MAGI1: variants seen among roughly 807,000 people sequenced by gnomAD.
MAGI1 encodes membrane-associated guanylate kinase, WW and PDZ domain-containing protein 1.
Under a neutral mutation model 139.9 loss-of-function variants are expected in MAGI1, and 58 were observed. That is an observed-to-expected ratio of 0.41 (90% CI 0.34 to 0.52). MAGI1 has a LOEUF of 0.52. MAGI1 is among the 20% of genes least tolerant of loss of function. The pLI is 0.12. For synonymous variants in MAGI1, 812 were observed against 737.9 expected, an observed-to-expected ratio of 1.10 and a Z score of -1.63; for missense variants, 1,874 against 1,901.6, an observed-to-expected ratio of 0.99 and a Z score of 0.27.
At chr3:65,941,524 G>A (rs1245547192) in intron 1 of MAGI1, among the ~76,000 whole-genome samples, 1 of 152,096 alleles carries the variant, frequency 6.6e-6, no homozygotes, top group Non-Finnish European at 1.5e-5. Flanking sequence ...CCTCTACCCT[G>A]TAGATGCAGT....
chr3:65,921,918 C>A lies in MAGI1; in HGVS notation c.313+116078G>T, dbSNP rs867819712. ...GAGACCCTATCTCCAACCACACACA[C>A]GACACACACACACACACACACACAC... On this transcript the variant is annotated intron_variant, in intron 1 of 22. Coordinates refer to ENST00000402939, the MANE Select transcript of MAGI1 (RefSeq NM_001033057.2). Among the ~76,000 whole-genome samples, 46 of 109,018 alleles carry A rather than the reference C, an allele frequency of 4.2e-4. 1 individual carries two copies. The highest frequency in any genetic ancestry group is 4.3e-3 in the Middle Eastern group (1 of 230). The allele number at this position is 109,018 out of a possible 152,430, so 71.5% of individuals were successfully genotyped here.
intron 1 of MAGI1, among the ~76,000 whole-genome samples, chr3:65,748,414 G>A (rs1426325160): frequency 6.6e-6 from 1 of 152,094 alleles, no homozygotes; most frequent in Non-Finnish European, 1.5e-5. Flanking sequence ...GTAGGATATG[G>A]GCCTTTAGAT....
chr3:65,701,980 G>T (rs544573722), intron 1 of MAGI1, among the ~76,000 whole-genome samples: 1 of 151,994 alleles, frequency 6.6e-6, no homozygotes, highest in Admixed American at 6.6e-5. Context: ...TATATTCCCC[G>T]ACGCTTGTTA....
chr3:65,645,280 G>GA (rs2085198640), intron 1 of MAGI1, among the ~76,000 whole-genome samples: 3 of 151,410 alleles, frequency 2.0e-5, no homozygotes, highest in East Asian at 1.9e-4. Context: ...AGAACTGAAA[G>GA]AAAAAAAATA....
intron 1 of MAGI1, among the ~76,000 whole-genome samples, chr3:65,682,048 A>G (rs1298479500): frequency 6.6e-6 from 1 of 152,110 alleles, no homozygotes; most frequent in African/African-American, 2.4e-5. Context: ...TCACATCCAC[A>G]ATTTTAACTT....
intron 3 of MAGI1, among the ~76,000 whole-genome samples, chr3:65,492,905 T>C (rs112433020): frequency 0.22 from 33,145 of 151,712 alleles, 3,617 homozygotes; most frequent in South Asian, 0.29. Context: ...GGTGAAACCC[T>C]GTCTCTACTA....
intron 2 of MAGI1, among the ~76,000 whole-genome samples, chr3:65,530,624 GGTGTGTGTGT>G (rs57337916): frequency 0.018 from 2,345 of 129,234 alleles, 104 homozygotes; most frequent in East Asian, 0.064. Context: ...ATGTGTGTGT[GGTGTGTGTGT>G]GTGTGTGTGT....
At chr3:65,949,868 G>A (rs2063713059) in intron 1 of MAGI1, among the ~76,000 whole-genome samples, 1 of 151,890 alleles carries the variant, frequency 6.6e-6, no homozygotes, top group African/African-American at 2.4e-5. Flanking sequence ...GCGCAACATG[G>A]CGAAACCCTG....
intron 12 of MAGI1, among the ~76,000 whole-genome samples, chr3:65,428,486 C>T (rs1003023309): frequency 6.6e-6 from 1 of 152,146 alleles, no homozygotes; most frequent in African/African-American, 2.4e-5. Flanking sequence ...ACCCAGATCT[C>T]TGAGATCCTA....
At chr3:65,575,089 T>A (rs72902255) in intron 2 of MAGI1, among the ~76,000 whole-genome samples, 11,530 of 151,904 alleles carry the variant, frequency 0.076, 912 homozygotes, top group African/African-American at 0.2. Context: ...AAATCTCTGT[T>A]CCCCAAAAGA....
intron 2 of MAGI1, among the ~76,000 whole-genome samples, chr3:65,531,449 T>C (rs977559349): frequency 6.6e-6 from 1 of 152,174 alleles, no homozygotes; most frequent in Non-Finnish European, 1.5e-5. Context: ...TCAAACTATT[T>C]CAAAATTTAA....
rs528114992 is a variant in MAGI1, at chr3:65,776,453, C to A, written c.314-154365G>T. Among the ~76,000 whole-genome samples, 17 of 152,192 alleles carry A rather than the reference C, an allele frequency of 1.1e-4. No homozygotes were observed. In the South Asian group the frequency reaches 3.3e-3, roughly 30 times the overall value. ...TTAAAAATGGTAACCCTTATTTAAACACATAATAAAAAGAGATCTTGTCAA... is the reference window on the plus strand; with the variant it reads ...TTAAAAATGGTAACCCTTATTTAAAAACATAATAAAAAGAGATCTTGTCAA... On this transcript the variant is annotated intron_variant, in intron 1 of 22. Coordinates refer to ENST00000402939, the MANE Select transcript of MAGI1 (RefSeq NM_001033057.2).
intron 2 of MAGI1, among the ~76,000 whole-genome samples, chr3:65,575,172 T>C (rs1353930409): frequency 6.6e-6 from 1 of 152,048 alleles, no homozygotes; most frequent in Non-Finnish European, 1.5e-5. Context: ...CTGAAAAAGG[T>C]CTTATATTCA....
intron 1 of MAGI1, among the ~76,000 whole-genome samples, chr3:65,951,448 C>T (rs1453604642): frequency 6.6e-6 from 1 of 152,194 alleles, no homozygotes; most frequent in African/African-American, 2.4e-5. Context: ...TCCAATGAAA[C>T]TGTTGCATCG....
intron 2 of MAGI1, among the ~76,000 whole-genome samples, chr3:65,598,383 G>A (rs1250472284): frequency 1.3e-5 from 2 of 152,172 alleles, no homozygotes; most frequent in Non-Finnish European, 2.9e-5. Context: ...GTGGGTGAGG[G>A]CGAGGGAAGG....
At chr3:65,696,482 A>G (rs2089202660) in intron 1 of MAGI1, among the ~76,000 whole-genome samples, 1 of 152,160 alleles carries the variant, frequency 6.6e-6, no homozygotes, top group African/African-American at 2.4e-5. Flanking sequence ...ATACATAAGG[A>G]GTCCCCATTA....
At chr3:65,487,236 T>C (rs1014634498) in intron 3 of MAGI1, among the ~76,000 whole-genome samples, 4 of 152,246 alleles carry the variant, frequency 2.6e-5, no homozygotes, top group African/African-American at 9.6e-5. Flanking sequence ...CCCTGTCTTA[T>C]GGTCTCCTTT....
At chr3:65,695,755 T>G (rs1050445980) in intron 1 of MAGI1, among the ~76,000 whole-genome samples, 1 of 152,168 alleles carries the variant, frequency 6.6e-6, no homozygotes, top group South Asian at 2.1e-4. Flanking sequence ...CTGTGCAGAT[T>G]CCAAGGGCTC....
chr3:65,803,182 C>T (rs1575557031), intron 1 of MAGI1, among the ~76,000 whole-genome samples: 1 of 152,156 alleles, frequency 6.6e-6, no homozygotes, highest in East Asian at 1.9e-4. Context: ...GCAAACATCT[C>T]TAATCCAGTA....
Sources: gnomAD v4.1 joint callset for allele counts (sites outside exome capture counted in the v4.1 genomes callset) on GRCh38, gnomAD v4.1.1 for gene constraint, MANE v1.5 for transcripts, NCBI Gene and HGNC (gene_info 2026-07-23, HGNC 2026-07-21) for gene names.